TPRG1: variants seen among roughly 807,000 people sequenced by gnomAD.
TPRG1 encodes the protein tumor protein p63-regulated gene 1 protein.
TPRG1 carries 29 observed loss-of-function variants against 29.3 expected under a neutral mutation model. The ratio of observed to expected loss-of-function variants is 0.99; its 90% CI spans 0.74 to 1.35. The LOEUF (loss-of-function observed/expected upper bound fraction) is 1.35, where lower values mean the gene tolerates loss of function less well. Ranked by LOEUF, TPRG1 falls within the 40% of genes most tolerant of loss-of-function variation. The probability of loss-of-function intolerance (pLI) is 0.00; values close to 1 mark genes in which losing one functional copy is unlikely to be tolerated. For synonymous variants in TPRG1, 130 were observed against 116.8 expected (o/e 1.11, Z -0.73); for missense variants, 327 against 335.0 (o/e 0.98, Z 0.19).
At chr3:189,262,071 G>A (rs1188485045) in intron 4 of TPRG1, among the ~76,000 whole-genome samples, 4 of 152,092 alleles carry the variant, frequency 2.6e-5, no homozygotes, top group African/African-American at 4.8e-5. Flanking sequence ...ATAAGAGATA[G>A]TTTGGAGAAA....
chr3:189,316,702 A>C (rs1018043216), intron 5 of TPRG1, among the ~76,000 whole-genome samples: 2 of 152,142 alleles, frequency 1.3e-5, no homozygotes, highest in Non-Finnish European at 2.9e-5. Flanking sequence ...TATCCTAACC[A>C]ACACACAGCC....
intron 4 of TPRG1, among the ~76,000 whole-genome samples, chr3:189,039,642 T>G (rs1049123607): frequency 6.6e-6 from 1 of 152,216 alleles, no homozygotes; most frequent in African/African-American, 2.4e-5. Flanking sequence ...TAAGAGAACA[T>G]GACAGTGAAC....
chr3:189,310,272 T>C, intron 4 of TPRG1, 114 bp from the exon 5 acceptor site: 1 of 863,558 alleles, frequency 1.2e-6, no homozygotes, highest in South Asian at 3.3e-5. Flanking sequence ...TAAAATCTTT[T>C]GAACAGTTTA....
chr3:189,060,888 C>T (rs1474000431), intron 4 of TPRG1, among the ~76,000 whole-genome samples: 1 of 152,072 alleles, frequency 6.6e-6, no homozygotes, highest in African/African-American at 2.4e-5. Flanking sequence ...TGTACGGATT[C>T]AACACTACTC....
At chr3:189,234,747 A>C (rs1229958369) in intron 3 of TPRG1, among the ~76,000 whole-genome samples, 1 of 152,216 alleles carries the variant, frequency 6.6e-6, no homozygotes, top group Non-Finnish European at 1.5e-5. Flanking sequence ...TTGTATTTTC[A>C]GAGTTTACAG....
chr3:189,160,647 C>T (rs568482152), intron 5 of TPRG1, among the ~76,000 whole-genome samples: 10 of 152,150 alleles, frequency 6.6e-5, no homozygotes, highest in African/African-American at 1.4e-4. Flanking sequence ...GGCTTGGTGG[C>T]GGCTACAGGA....
chr3:189,063,515 A>G (rs992125824), intron 4 of TPRG1, among the ~76,000 whole-genome samples: 1 of 152,154 alleles, frequency 6.6e-6, no homozygotes, highest in African/African-American at 2.4e-5. Context: ...ATTCTGAGCC[A>G]TAAAATATAC....
chr3:189,022,241 C>A (rs1410341891), intron 3 of TPRG1, among the ~76,000 whole-genome samples: 2 of 151,980 alleles, frequency 1.3e-5, no homozygotes, highest in African/African-American at 4.8e-5. Context: ...TCGTCAAAGT[C>A]ATTCTCCTTC....
intron 4 of TPRG1, among the ~76,000 whole-genome samples, chr3:189,081,847 C>T (rs746724568): frequency 5.3e-5 from 8 of 152,042 alleles, no homozygotes; most frequent in Non-Finnish European, 1.2e-4. Context: ...GGTTATAATT[C>T]TGTATTGATG....
At chr3:189,319,824 G>C (rs555766908) in intron 5 of TPRG1, among the ~76,000 whole-genome samples, 1 of 152,122 alleles carries the variant, frequency 6.6e-6, no homozygotes, top group African/African-American at 2.4e-5. Flanking sequence ...TCTTTCCTTT[G>C]ATCACTAGAC....
intron 3 of TPRG1, among the ~76,000 whole-genome samples, chr3:189,231,270 A>G (rs1381488019): frequency 5.1e-5 from 7 of 136,028 alleles, no homozygotes; most frequent in Admixed American, 4.3e-4. Flanking sequence ...TAAAACATAT[A>G]TATATATATA....
intron 3 of TPRG1, among the ~76,000 whole-genome samples, chr3:189,023,118 C>T (rs934033112): frequency 6.6e-6 from 1 of 152,234 alleles, no homozygotes; most frequent in Non-Finnish European, 1.5e-5. Flanking sequence ...CTGACCTGCG[C>T]CCACTGTCTG....
intron 4 of TPRG1, among the ~76,000 whole-genome samples, chr3:189,039,180 G>A (rs1714474759): frequency 6.6e-6 from 1 of 152,230 alleles, no homozygotes; most frequent in Non-Finnish European, 1.5e-5. Context: ...GTTTGGGTAG[G>A]GAGGTGTTGC....
intron 1 of TPRG1, chr3:189,190,888 C>A: frequency 1.2e-6 from 1 of 850,490 alleles, no homozygotes; most frequent in African/African-American, 1.8e-5. Context: ...TTGAGTCATA[C>A]ATTTACAGAA....
intron 1 of TPRG1, among the ~76,000 whole-genome samples, chr3:189,181,909 CTG>C (rs1730279397): frequency 6.6e-6 from 1 of 152,186 alleles, no homozygotes; most frequent in African/African-American, 2.4e-5. Context: ...TTCCATGTGA[CTG>C]GGGAAGCCTC....
intron 1 of TPRG1, among the ~76,000 whole-genome samples, chr3:189,195,301 G>T (rs1732354494): frequency 6.6e-6 from 1 of 152,156 alleles, no homozygotes; most frequent in South Asian, 2.1e-4. Context: ...GCTTCTCTTA[G>T]TGGCTAAAGT....
At chr3:189,110,059 A>G (rs897269500) in intron 1 of TPRG1, among the ~76,000 whole-genome samples, 2 of 152,186 alleles carry the variant, frequency 1.3e-5, no homozygotes, top group Admixed American at 6.5e-5. Flanking sequence ...GTGGTTGCAA[A>G]TAAAGCTGCT....
chr3:189,234,914 A>G (rs1207799441), intron 3 of TPRG1, among the ~76,000 whole-genome samples: 1 of 152,192 alleles, frequency 6.6e-6, no homozygotes, highest in African/African-American at 2.4e-5. Context: ...TTGCTGGAGT[A>G]AAGGGTAATG....
rs186634417 is a variant in TPRG1 at position 189,070,571 on chromosome 3, A to G, written c.-463+46625A>G. The stretch of plus-strand genomic sequence containing the variant: ...ACTGGGTAAGGTTTCTTAAGGATAT[A>G]TGTATTATTTCTCACAATTGCATTT... On this transcript the variant is annotated intron_variant, in intron 4 of 10. Transcript: ENST00000433971. Among the ~76,000 whole-genome samples the G allele has an allele frequency of 1.2e-4, 19 of 152,342 alleles. 1 individual carries two copies. In the East Asian group the frequency reaches 3.5e-3, roughly 28 times the overall value.
Sources: gnomAD v4.1 joint callset for allele counts (sites outside exome capture counted in the v4.1 genomes callset) on GRCh38, gnomAD v4.1.1 for gene constraint, MANE v1.5 for transcripts, NCBI Gene and HGNC (gene_info 2026-07-23, HGNC 2026-07-21) for gene names.